Variants in CALN1 observed in about 807,000 individuals in gnomAD.
CALN1 encodes the protein calneuron 1.
Under a neutral mutation model 30.6 loss-of-function variants are expected in CALN1, and 17 were observed. The observed-to-expected ratio is 0.56, with a 90% CI of 0.38 to 0.83. CALN1 has a LOEUF of 0.83. Ranked by LOEUF, CALN1 falls within the 40% of genes least tolerant of loss-of-function variation. The pLI, the probability that CALN1 is intolerant of heterozygous loss-of-function variation, is 0.00. For missense variants in CALN1, 291 were observed against 354.9 expected (o/e 0.82, Z 1.45); for synonymous variants, 156 against 131.4 (o/e 1.19, Z -1.28).
rs958326190 is a variant in CALN1 at position 71,781,163 on chromosome 7, A to G, written c.*6612T>C. Reference sequence around the variant, plus strand: ...TTCACTCCATCTTGTTTCAGACAAAATAGATGGGAGGGCTTGTCTGGTTTA... The same window carrying G: ...TTCACTCCATCTTGTTTCAGACAAAGTAGATGGGAGGGCTTGTCTGGTTTA... On this transcript the variant is annotated 3_prime_UTR_variant, in exon 7 of 7. Coordinates refer to ENST00000395275, the MANE Select transcript of CALN1 (RefSeq NM_031468.4). 1.3e-5 allele frequency: 2 copies of G among 152,196 alleles called. No individual in the cohort carries two copies. Among genetic ancestry groups the G allele is most frequent in the African/African-American group, 4.8e-5 (2 of 41,438 alleles). 9.4% of individuals were successfully genotyped at this position (152,196 alleles called of 1,614,324 possible). A position where few individuals can be genotyped will look rare whatever the true frequency, so the allele number is the denominator to read the frequency against.
intron 5 of CALN1, among the ~76,000 whole-genome samples, chr7:71,861,419 G>C (rs1420580203): frequency 6.6e-6 from 1 of 151,818 alleles, no homozygotes; most frequent in Non-Finnish European, 1.5e-5. Context: ...ATAGCATCAG[G>C]GGAAACTCAG....
At chr7:72,088,618 GA>G (rs1282335676) in intron 4 of CALN1, among the ~76,000 whole-genome samples, 1 of 149,886 alleles carries the variant, frequency 6.7e-6, no homozygotes, top group Non-Finnish European at 1.5e-5. Flanking sequence ...AGAATCACTT[GA>G]ACCCAGGAGG....
At chr7:72,343,606 A>C (rs1384955593) in intron 2 of CALN1, among the ~76,000 whole-genome samples, 2 of 152,132 alleles carry the variant, frequency 1.3e-5, no homozygotes, top group Non-Finnish European at 2.9e-5. Context: ...CATGGATCTG[A>C]CTAGGGTGAT....
chr7:72,055,989 C>T (rs1563017286), intron 4 of CALN1, among the ~76,000 whole-genome samples: 1 of 152,166 alleles, frequency 6.6e-6, no homozygotes, highest in Non-Finnish European at 1.5e-5. Flanking sequence ...CACTGTAATC[C>T]AGCTGGGGCA....
At chr7:72,224,689 G>A (rs34711194) in intron 3 of CALN1, among the ~76,000 whole-genome samples, 30,516 of 151,864 alleles carry the variant, frequency 0.2, 3,919 homozygotes, top group Middle Eastern at 0.33. Context: ...GCTGAGACAC[G>A]AGAATCGCTT....
In CALN1 at chr7:72,310,932, A is replaced by C. The variant is rs566463543; in HGVS notation, c.120-32122T>G. On this transcript the variant is annotated intron_variant, in intron 2 of 6. Transcript: ENST00000395275. ...TAAAAAAAAAAAAAAAAAAAAACAAAAATAAAGAAGAAGAAAATATATATA... is the reference window on the plus strand; with the variant it reads ...TAAAAAAAAAAAAAAAAAAAAACAACAATAAAGAAGAAGAAAATATATATA... Among the ~76,000 whole-genome samples, 192 of 151,494 alleles carry C rather than the reference A, an allele frequency of 1.3e-3. 1 individual carries two copies. Among genetic ancestry groups the C allele is most frequent in the African/African-American group, 4.6e-3 (189 of 41,390 alleles).
chr7:72,081,117 A>G lies in CALN1; in HGVS notation c.388+25034T>C, dbSNP rs568743912. ...GTTCCTCATTTAAGGACTGATGTAC[A>G]GCAGTGAGAGCATTCTATCTGCAGG... is the stretch of plus-strand genomic sequence containing the variant. On this transcript the variant is annotated intron_variant, in intron 4 of 6. Coordinates refer to ENST00000395275, the MANE Select transcript of CALN1 (RefSeq NM_031468.4). Among the ~76,000 whole-genome samples, 234 of 152,298 alleles carry G rather than the reference A, an allele frequency of 1.5e-3. 2 individuals carry two copies. The highest frequency in any genetic ancestry group is 2.8e-3 in the Non-Finnish European group (189 of 68,024).
At chr7:72,160,577 C>A (rs1788035265) in intron 3 of CALN1, among the ~76,000 whole-genome samples, 2 of 152,162 alleles carry the variant, frequency 1.3e-5, no homozygotes, top group Admixed American at 1.3e-4. Flanking sequence ...CCATGCCCAG[C>A]CAGAACACTT....
intron 5 of CALN1, among the ~76,000 whole-genome samples, chr7:71,894,367 C>T (rs1213581668): frequency 1.3e-5 from 2 of 152,104 alleles, no homozygotes; most frequent in Non-Finnish European, 2.9e-5. Flanking sequence ...ATCACGCCAA[C>T]CAGGCTGTCA....
At chr7:72,069,062 C>T (rs1322954615) in intron 4 of CALN1, among the ~76,000 whole-genome samples, 1 of 152,164 alleles carries the variant, frequency 6.6e-6, no homozygotes, top group South Asian at 2.1e-4. Flanking sequence ...ATTGCTTTCC[C>T]ATCAAGAACA....
At chr7:72,292,687 G>A (rs575669581) in intron 2 of CALN1, among the ~76,000 whole-genome samples, 1 of 151,290 alleles carries the variant, frequency 6.6e-6, no homozygotes, top group African/African-American at 2.4e-5. Context: ...CAGGCATGGT[G>A]GCGCATGCTT....
intron 5 of CALN1, among the ~76,000 whole-genome samples, chr7:71,928,338 A>G (rs1007068186): frequency 6.6e-6 from 1 of 151,768 alleles, no homozygotes; most frequent in Non-Finnish European, 1.5e-5. Context: ...AGATGACTCA[A>G]TGGTTGTGTC....
At chr7:72,248,357 C>T (rs1465945647) in intron 3 of CALN1, among the ~76,000 whole-genome samples, 1 of 152,118 alleles carries the variant, frequency 6.6e-6, no homozygotes, top group Non-Finnish European at 1.5e-5. Flanking sequence ...CCTTGGCCTC[C>T]CAAAGGGCTG....
intron 3 of CALN1, among the ~76,000 whole-genome samples, chr7:72,169,891 C>T (rs1788815592): frequency 6.6e-6 from 1 of 152,064 alleles, no homozygotes; most frequent in African/African-American, 2.4e-5. Flanking sequence ...CAGGGTGTTG[C>T]CATATTGGCC....
intron 2 of CALN1, among the ~76,000 whole-genome samples, chr7:72,345,071 A>T (rs1802567420): frequency 6.7e-6 from 1 of 148,364 alleles, no homozygotes; most frequent in Non-Finnish European, 1.5e-5. Context: ...ATATTCATGC[A>T]TGTTATGTAT....
intron 3 of CALN1, among the ~76,000 whole-genome samples, chr7:72,143,411 G>C (rs1201756694): frequency 6.6e-6 from 1 of 152,156 alleles, no homozygotes; most frequent in East Asian, 1.9e-4. Flanking sequence ...GAAGCTAGAA[G>C]AGAACTTTAG....
At chr7:72,432,107 G>C (rs764364761) in intron 1 of CALN1, among the ~76,000 whole-genome samples, 1 of 152,094 alleles carries the variant, frequency 6.6e-6, no homozygotes, top group South Asian at 2.1e-4. Flanking sequence ...CTCATGTGTC[G>C]TGGGAGGGAC....
At chr7:72,270,173 T>TTAA (rs1317009538) in intron 3 of CALN1, among the ~76,000 whole-genome samples, 1 of 151,840 alleles carries the variant, frequency 6.6e-6, no homozygotes, top group Non-Finnish European at 1.5e-5. Flanking sequence ...TGTTAAAAAG[T>TTAA]AAGCCAGGCA....
Position 71,785,928 on chromosome 7 carries a change from C to A in CALN1, c.*1847G>T, listed in dbSNP as rs1792961972. On this transcript the variant is annotated 3_prime_UTR_variant, in exon 7 of 7. Transcript: ENST00000395275. ...AACTCCAGGAAGTTTTGCAGAGGGA[C>A]CTGTGATCCCCCAGGCTCTTGGGAG... 1.3e-5 allele frequency: 2 copies of A among 152,754 alleles called. No homozygotes were observed. 9.5% of individuals were successfully genotyped at this position (152,754 alleles called of 1,614,324 possible).
Sources: gnomAD v4.1 joint callset for allele counts (sites outside exome capture counted in the v4.1 genomes callset) on GRCh38, gnomAD v4.1.1 for gene constraint, MANE v1.5 for transcripts, NCBI Gene and HGNC (gene_info 2026-07-23, HGNC 2026-07-21) for gene names.